The following PPEF2 variants were observed in gnomAD, a reference collection of about 807,000 sequenced individuals.
PPEF2 encodes protein phosphatase with EF-hand domain 2, also known as serine/threonine-protein phosphatase with EF-hands 2.
A neutral mutation model predicts 84.7 loss-of-function variants in PPEF2; 84 were observed. The ratio of observed to expected loss-of-function variants is 0.99; its 90% CI spans 0.83 to 1.19. The LOEUF (loss-of-function observed/expected upper bound fraction) is 1.19. Among genes scored for constraint, PPEF2 ranks in the 50% most tolerant of loss-of-function variants. The pLI is 0.00. For synonymous variants in PPEF2, 346 were observed against 345.2 expected (o/e 1.00, Z -0.03); for missense variants, 924 against 937.5 (o/e 0.99, Z 0.19).
chr4:75,876,600 T>C lies in PPEF2; in HGVS notation c.1007A>G (p.Gln336Arg). 1 of 1,608,730 alleles carries C rather than the reference T, an allele frequency of 6.2e-7. No homozygotes were observed. The highest frequency in any genetic ancestry group is 1.1e-5 in the South Asian group (1 of 90,192). ...GATGGGTCCCTGTGCAGAGCTCTTC[T>C]GGTTGGCTCTTCTCTTCTCCTCCAT... ...KQMEEKRRAN[Q>R]KSSAQGPIPW... The change falls in exon 11 of 17, where the codon CAG (glutamine) becomes CGG (arginine). Residue 336 changes from glutamine to arginine, a missense_variant. Gln to Arg is a conservative substitution (Grantham distance 43). Transcript: ENST00000286719.
chr4:75,886,050 T>C (rs559034177), intron 7 of PPEF2, among the ~76,000 whole-genome samples: 96 of 152,286 alleles, frequency 6.3e-4, no homozygotes, highest in African/African-American at 2.3e-3. Flanking sequence ...AGGTTAGTTT[T>C]ACCCTACTGA....
intron 1 of PPEF2, among the ~76,000 whole-genome samples, chr4:75,899,547 C>T (rs556758942): frequency 6.6e-5 from 10 of 152,138 alleles, no homozygotes; most frequent in East Asian, 1.9e-4. Context: ...CACTCTCCTC[C>T]GCTATTTTTG....
At chr4:75,867,270 C>A in intron 14 of PPEF2, 43 bp downstream of exon 14, 1 of 1,491,426 alleles carries the variant, frequency 6.7e-7, no homozygotes, top group South Asian at 1.2e-5. Context: ...GATTTTCTGG[C>A]TAGCTTCCTT....
At chr4:75,888,710 T>A (rs1361359309) in intron 5 of PPEF2, among the ~76,000 whole-genome samples, 1 of 152,206 alleles carries the variant, frequency 6.6e-6, no homozygotes, top group East Asian at 1.9e-4. Flanking sequence ...CCTCCTGCAA[T>A]GAGTTACATT....
At position 75,896,285 on chromosome 4, in the gene PPEF2, T is replaced by C. The variant is rs761942612; in HGVS notation, c.41A>G (p.Gln14Arg). The change falls in exon 2 of 17, where the codon CAG (glutamine) becomes CGG (arginine). Residue 14 changes from glutamine (Q) to arginine (R), a missense_variant. Gln to Arg is a conservative substitution (Grantham distance 43). Transcript: ENST00000286719. ...GTSTQHHFAF[Q>R]NAERAFKAAA... ...GAAACACGTACCTCTCTCTGCATTC[T>C]GGAAAGCAAAATGATGTTGGGTGGA... is the stretch of plus-strand genomic sequence containing the variant. 2 of 1,614,218 alleles carry C rather than the reference T, an allele frequency of 1.2e-6. No homozygotes were observed. Among genetic ancestry groups the C allele is most frequent in the Non-Finnish European group, 1.7e-6 (2 of 1,180,022 alleles).
chr4:75,872,278 A>G (rs1241649314), intron 12 of PPEF2, 111 bp from the exon 13 acceptor site: 1 of 1,015,072 alleles, frequency 9.9e-7, no homozygotes, highest in African/African-American at 1.6e-5. Flanking sequence ...CCTAGTGCTC[A>G]TCTGGGAATC....
chr4:75,865,098 G>C (rs189315929), intron 15 of PPEF2, among the ~76,000 whole-genome samples: 16 of 151,856 alleles, frequency 1.1e-4, no homozygotes, highest in African/African-American at 3.9e-4. Flanking sequence ...CACCATGCCC[G>C]GCTAATTTTT....
chr4:75,883,458 T>C (rs1313853575), intron 8 of PPEF2: 1 of 507,642 alleles, frequency 2.0e-6, no homozygotes, highest in Non-Finnish European at 3.5e-6. Flanking sequence ...ATTTATATGA[T>C]AGAGTATGTG....
intron 10 of PPEF2, among the ~76,000 whole-genome samples, chr4:75,882,264 G>GATCT (rs2149221688): frequency 6.6e-6 from 1 of 152,238 alleles, no homozygotes; most frequent in East Asian, 1.9e-4. Context: ...AACTGAAATT[G>GATCT]ATCTTCATCT....
rs376053541 is a variant in PPEF2 at position 75,883,161 on chromosome 4, C to A, written c.783+5G>T. On this transcript the variant is annotated splice_donor_5th_base_variant and intron_variant, in intron 9 of 16. Transcript: ENST00000286719. ...GAGAAACTTTTGTCTTTAAAGGCAG[C>A]GCACCTTGTATTTATTCATCACTTC... 6 of 1,613,578 alleles carry A rather than the reference C, an allele frequency of 3.7e-6. No individual in the cohort carries two copies. The highest frequency in any genetic ancestry group is 8.5e-7 in the Non-Finnish European group (1 of 1,179,764).
intron 6 of PPEF2, 31 bp from the exon 7 acceptor site, chr4:75,886,929 TG>T: frequency 7.9e-7 from 1 of 1,258,124 alleles, no homozygotes; most frequent in Non-Finnish European, 1.1e-6. Context: ...ATATCAATTC[TG>T]ATTGTTCCTT....
chr4:75,869,985 G>A (rs1252117292), intron 13 of PPEF2, among the ~76,000 whole-genome samples: 1 of 152,108 alleles, frequency 6.6e-6, no homozygotes, highest in Non-Finnish European at 1.5e-5. Flanking sequence ...TCATACAGTT[G>A]AAGTCACTGG....
chr4:75,866,224 G>A lies in PPEF2; in HGVS notation c.1885C>T (p.Leu629=). The stretch of plus-strand genomic sequence containing the variant: ...AGTTGTTCCTTGGCCAAGTTCTTCA[G>A]CCAAGACTTGTACTCCAGCATGTTG... ...ADNMLEYKSW[L]KNLAKEQLSR... The change falls in exon 15 of 17, where the codon CTG becomes TTG. Residue 629 remains leucine, a synonymous_variant. Coordinates refer to ENST00000286719, the MANE Select transcript of PPEF2 (RefSeq NM_006239.3). The A allele has an allele frequency of 6.2e-7, 1 of 1,613,878 alleles. No individual in the cohort carries two copies. Among genetic ancestry groups the A allele is most frequent in the Non-Finnish European group, 8.5e-7 (1 of 1,179,912 alleles).
At chr4:75,896,008 A>G (rs1296107453) in intron 2 of PPEF2, among the ~76,000 whole-genome samples, 1 of 152,006 alleles carries the variant, frequency 6.6e-6, no homozygotes, top group African/African-American at 2.4e-5. Flanking sequence ...GCCCAACCTT[A>G]TTTCATTCAT....
chr4:75,885,304 A>T (rs1724693016), intron 7 of PPEF2, among the ~76,000 whole-genome samples: 1 of 152,134 alleles, frequency 6.6e-6, no homozygotes. Context: ...ATCAATTGCT[A>T]AATATTTATT....
At chr4:75,867,837 T>A (rs773968644) in intron 13 of PPEF2, among the ~76,000 whole-genome samples, 4 of 152,198 alleles carry the variant, frequency 2.6e-5, no homozygotes, top group Non-Finnish European at 5.9e-5. Flanking sequence ...GTATCTATTA[T>A]CACAACTGTT....
intron 4 of PPEF2, among the ~76,000 whole-genome samples, chr4:75,891,091 C>T (rs1296360302): frequency 1.3e-5 from 2 of 151,452 alleles, no homozygotes; most frequent in African/African-American, 4.9e-5. Flanking sequence ...ATCTGAGGTT[C>T]AATCACTTGA....
At chr4:75,875,156 C>G (rs1374724099) in intron 11 of PPEF2, among the ~76,000 whole-genome samples, 1 of 152,160 alleles carries the variant, frequency 6.6e-6, no homozygotes, top group Non-Finnish European at 1.5e-5. Context: ...CCGCCTGTCT[C>G]AGCCTCCCAA....
chr4:75,886,840 GAACA>G lies in PPEF2; in HGVS notation c.579+8_579+11del. 6.9e-7 allele frequency: 1 copy of G among 1,451,236 alleles called. No homozygotes were observed. Among genetic ancestry groups the G allele is most frequent in the Non-Finnish European group, 9.4e-7 (1 of 1,064,942 alleles). 89.9% of individuals were successfully genotyped at this position (1,451,236 alleles called of 1,614,324 possible). A position where few individuals can be genotyped will look rare whatever the true frequency, so the allele number is the denominator to read the frequency against. ...TCAGAGCAAGAAAGCAACTTAATTT[GAACA>G]TTCATACCTTATAAAATATAAAGAT... On this transcript the variant is annotated splice_region_variant and intron_variant, in intron 7 of 16. Coordinates refer to ENST00000286719, the MANE Select transcript of PPEF2 (RefSeq NM_006239.3).
Sources: gnomAD v4.1 joint callset for allele counts (sites outside exome capture counted in the v4.1 genomes callset) on GRCh38, gnomAD v4.1.1 for gene constraint, MANE v1.5 for transcripts, NCBI Gene and HGNC (gene_info 2026-07-23, HGNC 2026-07-21) for gene names.